STEAP4: variants seen among roughly 807,000 people sequenced by gnomAD.
STEAP4 encodes the protein STEAP4 metalloreductase.
A neutral mutation model predicts 43.6 loss-of-function variants in STEAP4; 36 were observed. That is an observed-to-expected ratio of 0.83 (90% CI 0.63 to 1.09). The LOEUF (loss-of-function observed/expected upper bound fraction) is 1.09, where lower values mean the gene tolerates loss of function less well. Ranked by LOEUF, STEAP4 falls within the 50% of genes least tolerant of loss-of-function variation. STEAP4 has a pLI of 0.00. For synonymous variants in STEAP4, 191 were observed against 196.7 expected (o/e 0.97, Z 0.24); for missense variants, 495 against 546.5 (o/e 0.91, Z 0.94).
chr7:88,272,809 T>C lies in STEAP4; in HGVS notation c.*6589A>G, dbSNP rs530057992. The C allele has an allele frequency of 4.6e-5, 7 of 152,314 alleles. No individual in the cohort carries two copies. The highest frequency in any genetic ancestry group is 1.4e-4 in the African/African-American group (6 of 41,566). 9.4% of individuals were successfully genotyped at this position (152,314 alleles called of 1,614,324 possible). ...GGTAGAAGTACAACTAGGGAAACTT[T>C]GGTTATCTACAGAGAGAACTCCCTG... On this transcript the variant is annotated 3_prime_UTR_variant, in exon 5 of 5. Transcript: ENST00000380079.
Position 88,272,257 on chromosome 7 carries a change from G to A in STEAP4, c.*7141C>T, listed in dbSNP as rs1563492160. 1.3e-5 allele frequency: 2 copies of A among 152,202 alleles called. 1 individual carries two copies. Among genetic ancestry groups the A allele is most frequent in the South Asian group, 4.1e-4 (2 of 4,832 alleles). The allele number at this position is 152,202 out of a possible 1,614,324, so 9.4% of individuals were successfully genotyped here. On this transcript the variant is annotated 3_prime_UTR_variant, in exon 5 of 5. Coordinates refer to ENST00000380079, the MANE Select transcript of STEAP4 (RefSeq NM_024636.4). ...GAAAAGCACAGTTTCCTTTCCCCTTGATGGGAATAACTCTTAGTTATATCT... is the reference window on the plus strand; with the variant it reads ...GAAAAGCACAGTTTCCTTTCCCCTTAATGGGAATAACTCTTAGTTATATCT...
chr7:88,293,430 T>G (rs576574900), intron 1 of STEAP4, among the ~76,000 whole-genome samples: 5 of 152,252 alleles, frequency 3.3e-5, no homozygotes, highest in African/African-American at 9.6e-5. Context: ...TCTTAACACA[T>G]CCGAAGTCAT....
chr7:88,284,470 A>T (rs1248482995), intron 1 of STEAP4, among the ~76,000 whole-genome samples, 199 bp from the exon 2 acceptor site: 3 of 152,214 alleles, frequency 2.0e-5, no homozygotes, highest in African/African-American at 7.2e-5. Context: ...AAATTGTCAT[A>T]TATCTTTTCA....
intron 1 of STEAP4, among the ~76,000 whole-genome samples, chr7:88,295,599 C>T (rs776547581): frequency 7.9e-5 from 12 of 152,132 alleles, no homozygotes; most frequent in Admixed American, 7.9e-4. Context: ...CCTGCTACTG[C>T]GGTTCTTCTT....
rs183667536 is a variant in STEAP4, at chr7:88,271,022, A to C, written c.*8376T>G. 5.3e-5 allele frequency: 8 copies of C among 152,264 alleles called. No homozygotes were observed. In the East Asian group the frequency reaches 1.5e-3, roughly 29 times the overall value. The allele number at this position is 152,264 out of a possible 1,614,324, so 9.4% of individuals were successfully genotyped here. On this transcript the variant is annotated 3_prime_UTR_variant, in exon 5 of 5. Coordinates refer to ENST00000380079, the MANE Select transcript of STEAP4 (RefSeq NM_024636.4). ...TCAGATTAGGGTAATTAGTATATCC[A>C]TCATCTTAAGCATTTATCATTTCTT...
intron 1 of STEAP4, among the ~76,000 whole-genome samples, chr7:88,305,128 T>A (rs775765324): frequency 1.3e-5 from 2 of 152,180 alleles, no homozygotes; most frequent in Non-Finnish European, 2.9e-5. Flanking sequence ...GGCCAGGCCT[T>A]GTACACCTGG....
intron 1 of STEAP4, among the ~76,000 whole-genome samples, chr7:88,296,640 G>A (rs1442301441): frequency 6.6e-6 from 1 of 152,012 alleles, no homozygotes; most frequent in Non-Finnish European, 1.5e-5. Flanking sequence ...AACTATATCA[G>A]TCTTCTTGTG....
In STEAP4 at chr7:88,284,050, A is replaced by G. The variant is rs1278324270; in HGVS notation, c.220T>C (p.Ser74Pro). ...VLSYSEAAKKSGIIIIAIHRE... is the reference protein window; with the variant it reads ...VLSYSEAAKKPGIIIIAIHRE... ...TGGATTGCTATGATTATGATGCCAGACTTCTTGGCTGCTTCTGAATAGCTC... is the reference window on the plus strand; with the variant it reads ...TGGATTGCTATGATTATGATGCCAGGCTTCTTGGCTGCTTCTGAATAGCTC... Residue 74 changes from serine to proline, a missense_variant, in exon 2 of 5, where the codon TCT (serine) becomes CCT (proline). By Grantham distance (74) the Ser-to-Pro change is moderately conservative (BLOSUM62 -1). Transcript: ENST00000380079. 1 of 1,614,120 alleles carries G rather than the reference A, an allele frequency of 6.2e-7. No homozygotes were observed. Among genetic ancestry groups the G allele is most frequent in the East Asian group, 2.2e-5 (1 of 44,880 alleles).
In STEAP4 at chr7:88,275,421, T is replaced by C. The variant is rs1852498863; in HGVS notation, c.*3977A>G. On this transcript the variant is annotated 3_prime_UTR_variant, in exon 5 of 5. Coordinates refer to ENST00000380079, the MANE Select transcript of STEAP4 (RefSeq NM_024636.4). ...TCAGGCTTATTTTACTCAGCCTCTATTGAAGATGGAGTCACCTGGTCCAAA... is the reference window on the plus strand; with the variant it reads ...TCAGGCTTATTTTACTCAGCCTCTACTGAAGATGGAGTCACCTGGTCCAAA... 1 of 152,218 alleles carries C rather than the reference T, an allele frequency of 6.6e-6. No homozygotes were observed. Among genetic ancestry groups the C allele is most frequent in the Non-Finnish European group, 1.5e-5 (1 of 68,072 alleles). 9.4% of individuals were successfully genotyped at this position (152,218 alleles called of 1,614,324 possible). A position where few individuals can be genotyped will look rare whatever the true frequency, so the allele number is the denominator to read the frequency against.
intron 1 of STEAP4, among the ~76,000 whole-genome samples, chr7:88,303,185 A>T (rs1324787409): frequency 1.8e-4 from 23 of 124,378 alleles, no homozygotes; most frequent in African/African-American, 6.2e-4. Flanking sequence ...AATCTGCATT[A>T]AAAAAAAAAA....
intron 3 of STEAP4, chr7:88,281,611 T>C (rs1852621853): frequency 6.6e-6 from 1 of 152,238 alleles, no homozygotes; most frequent in South Asian, 2.1e-4. Context: ...GAAAATAATG[T>C]AGAGAAACCC....
At chr7:88,280,031 TA>T (rs1026679614) in intron 4 of STEAP4, among the ~76,000 whole-genome samples, 7 of 152,236 alleles carry the variant, frequency 4.6e-5, no homozygotes, top group African/African-American at 1.7e-4. Flanking sequence ...TGTTACTGAC[TA>T]AAACCAGATC....
chr7:88,296,228 C>G (rs904733522), intron 1 of STEAP4, among the ~76,000 whole-genome samples: 1 of 152,070 alleles, frequency 6.6e-6, no homozygotes, highest in African/African-American at 2.4e-5. Context: ...TTGGGTGAAG[C>G]CATTAATAAA....
In STEAP4 at chr7:88,279,631, A is replaced by G; in HGVS notation, c.1150-3T>C. 1 of 1,603,626 alleles carries G rather than the reference A, an allele frequency of 6.2e-7. No individual in the cohort carries two copies. Among genetic ancestry groups the G allele is most frequent in the Non-Finnish European group, 8.5e-7 (1 of 1,173,922 alleles). On this transcript the variant is annotated splice_polypyrimidine_tract_variant and splice_region_variant and intron_variant, in intron 4 of 4. Coordinates refer to ENST00000380079, the MANE Select transcript of STEAP4 (RefSeq NM_024636.4). The stretch of plus-strand genomic sequence containing the variant: ...AGGGTCAAATAACCCAGTTTGGACT[A>G]TAAACAAGAAACAAAAATATGTAAG...
At position 88,271,260 on chromosome 7, in the gene STEAP4, C is replaced by T. The variant is rs1852435489; in HGVS notation, c.*8138G>A. 1.3e-5 allele frequency: 2 copies of T among 152,068 alleles called. No homozygotes were observed. Among genetic ancestry groups the T allele is most frequent in the South Asian group, 2.1e-4 (1 of 4,834 alleles). 9.4% of individuals were successfully genotyped at this position (152,068 alleles called of 1,614,324 possible). ...GTAACCTACTCATGTAATTTAAAAA[C>T]CAAAATGATATGAAAAGGTCTACAG... is the stretch of plus-strand genomic sequence containing the variant. On this transcript the variant is annotated 3_prime_UTR_variant, in exon 5 of 5. Transcript: ENST00000380079.
rs564797324 is a variant in STEAP4 at position 88,284,273 on chromosome 7, T to C, written c.-2-2A>G. The C allele has an allele frequency of 1.9e-6, 3 of 1,551,286 alleles. No homozygotes were observed. Among genetic ancestry groups the C allele is most frequent in the African/African-American group, 1.4e-5 (1 of 72,754 alleles). On this transcript the variant is annotated splice_acceptor_variant, in intron 1 of 4. Coordinates refer to ENST00000380079, the MANE Select transcript of STEAP4 (RefSeq NM_024636.4). LOFTEE classifies it low-confidence loss of function (5UTR_SPLICE). The stretch of plus-strand genomic sequence containing the variant: ...CATCTATACAAGTTTTCTCCATAAC[T>C]GAAAAATAATAACACAAATGCCCAA...
rs753831459 is a variant in STEAP4, at chr7:88,279,647, A to G, written c.1150-19T>C. On this transcript the variant is annotated intron_variant, in intron 4 of 4. Coordinates refer to ENST00000380079, the MANE Select transcript of STEAP4 (RefSeq NM_024636.4). ...GTTTGGACTATAAACAAGAAACAAA[A>G]ATATGTAAGTTAACATTATTTACAT... is the stretch of plus-strand genomic sequence containing the variant. 2 of 1,571,520 alleles carry G rather than the reference A, an allele frequency of 1.3e-6. No homozygotes were observed. The highest frequency in any genetic ancestry group is 2.3e-5 in the South Asian group (2 of 87,992).
intron 4 of STEAP4, among the ~76,000 whole-genome samples, chr7:88,280,261 C>G (rs1346850028): frequency 2.6e-5 from 4 of 152,158 alleles, no homozygotes; most frequent in Non-Finnish European, 4.4e-5. Context: ...TTCTATTATA[C>G]TCATAATAAG....
At chr7:88,297,880 C>T (rs903737184) in intron 1 of STEAP4, among the ~76,000 whole-genome samples, 2 of 152,122 alleles carry the variant, frequency 1.3e-5, no homozygotes, top group African/African-American at 4.8e-5. Flanking sequence ...AAACTGCCCA[C>T]ATTTTAGCTT....
Sources: gnomAD v4.1 joint callset for allele counts (sites outside exome capture counted in the v4.1 genomes callset) on GRCh38, gnomAD v4.1.1 for gene constraint, MANE v1.5 for transcripts, NCBI Gene and HGNC (gene_info 2026-07-23, HGNC 2026-07-21) for gene names.